The following ALOX15 variants were observed in gnomAD, a reference collection of about 807,000 sequenced individuals.
The protein encoded by ALOX15 is arachidonate 15-lipoxygenase.
In ALOX15, 68 loss-of-function variants were observed where a neutral mutation model predicts 71.7. The ratio of observed to expected loss-of-function variants is 0.95; its 90% CI spans 0.78 to 1.16. The LOEUF (loss-of-function observed/expected upper bound fraction) is 1.16, where lower values mean the gene tolerates loss of function less well. Ranked by LOEUF, ALOX15 falls within the 50% of genes most tolerant of loss-of-function variation. ALOX15 has a pLI of 0.00. For missense variants in ALOX15, 798 were observed against 818.8 expected (o/e 0.97, Z 0.31); for synonymous variants, 346 against 333.3 (o/e 1.04, Z -0.42).
At chr17:4,638,003 A>G (rs1309618858) in intron 6 of ALOX15, among the ~76,000 whole-genome samples, 12 of 152,172 alleles carry the variant, frequency 7.9e-5, no homozygotes, top group Non-Finnish European at 1.8e-4. Flanking sequence ...TCTATCAACC[A>G]TTCCATCTTG....
intron 1 of ALOX15, among the ~76,000 whole-genome samples, chr17:4,640,821 G>T (rs1911296094): frequency 6.7e-6 from 1 of 150,318 alleles, no homozygotes; most frequent in East Asian, 2.1e-4. Context: ...AGAGGGAGGT[G>T]AAGAGAGGAA....
At position 4,638,612 on chromosome 17, in the gene ALOX15, C is replaced by T. The variant is rs1911198628; in HGVS notation, c.615G>A (p.Arg205=). The change falls in exon 5 of 14, where the codon CGG becomes CGA. Residue 205 remains arginine, a synonymous_variant. Transcript: ENST00000293761. ...GCTTGCTCTGACCACACCAGAAAAT[C>T]CGGTTGAAGTCATCTAGATCCTTCC... The part of the protein sequence containing the change: ...TCWKDLDDFN[R]IFWCGQSKLA... The T allele has an allele frequency of 1.2e-6, 2 of 1,614,040 alleles. No homozygotes were observed. The highest frequency in any genetic ancestry group is 1.7e-6 in the Non-Finnish European group (2 of 1,180,056).
rs1367927933 is a variant in ALOX15, at chr17:4,632,271, G to C, written c.1551C>G (p.Val517=). The C allele has an allele frequency of 6.2e-7, 1 of 1,614,158 alleles. No individual in the cohort carries two copies. Among genetic ancestry groups the C allele is most frequent in the East Asian group, 2.2e-5 (1 of 44,890 alleles). ...AAACCTGGTCCCGAGCCTGTAAAGA[G>C]ACAGGAAACCCTGCAAGGGGTGAAG... The part of the protein sequence containing the change: ...LQGAQDRGFP[V]SLQARDQVCH... Residue 517 remains valine (V), a synonymous_variant, in exon 12 of 14, where the codon GTC becomes GTG. Transcript: ENST00000293761.
intron 7 of ALOX15, 118 bp downstream of exon 7, chr17:4,636,997 C>T (rs1169274807): frequency 3.2e-6 from 4 of 1,258,208 alleles, no homozygotes; most frequent in Non-Finnish European, 4.4e-6. Flanking sequence ...TTCCTCCTTT[C>T]GCGTCTCCCA....
chr17:4,638,902 C>T lies in ALOX15; in HGVS notation c.490G>A (p.Glu164Lys), dbSNP rs760520043. The change falls in exon 4 of 14, where the codon GAG becomes AAG. Residue 164 changes from glutamate (E) to lysine (K), a missense_variant. Coordinates refer to ENST00000293761, the MANE Select transcript of ALOX15 (RefSeq NM_001140.5). The part of the protein sequence containing the change: ...GAKLYDLPVD[E>K]RFLEDKRVDF... ...ACTCTCTTGTCTTCCAGAAATCGCT[C>T]ATCCACAGGGAGGTCATATAGTTTG... 3.7e-6 allele frequency: 6 copies of T among 1,614,246 alleles called. No homozygotes were observed. Among genetic ancestry groups the T allele is most frequent in the South Asian group, 1.1e-5 (1 of 91,090 alleles).
intron 7 of ALOX15, among the ~76,000 whole-genome samples, chr17:4,636,236 T>C (rs1006828184): frequency 2.6e-5 from 4 of 152,136 alleles, no homozygotes; most frequent in Non-Finnish European, 5.9e-5. Context: ...CCCTTTCAGT[T>C]CCCACAGTGT....
Position 4,631,533 on chromosome 17 carries a change from A to T in ALOX15, c.*67T>A, listed in dbSNP as rs1174535174. On this transcript the variant is annotated 3_prime_UTR_variant, in exon 14 of 14. Transcript: ENST00000293761. ...GGGTGGGACTTGGGAGGGCAGGGCT[A>T]TAACCACGAAGGGGTCAGCTTGTGG... The T allele has an allele frequency of 3.2e-6, 5 of 1,578,594 alleles. No homozygotes were observed. The East Asian group carries it at 1.1e-4, about 35-fold the overall frequency.
Position 4,635,753 on chromosome 17 carries a change from A to T in ALOX15, c.1161+6T>A. 7.4e-6 allele frequency: 12 copies of T among 1,614,056 alleles called. No homozygotes were observed. Among genetic ancestry groups the T allele is most frequent in the Non-Finnish European group, 1.0e-5 (12 of 1,179,954 alleles). ...GCAGGCAAGAGAGAAGGGGATAAGGAGTTACCTTGAAGATAGGATGTATCG... is the reference window on the plus strand; with the variant it reads ...GCAGGCAAGAGAGAAGGGGATAAGGTGTTACCTTGAAGATAGGATGTATCG... On this transcript the variant is annotated splice_donor_region_variant and intron_variant, in intron 8 of 13. Coordinates refer to ENST00000293761, the MANE Select transcript of ALOX15 (RefSeq NM_001140.5).
chr17:4,637,750 C>T (rs1279402456), intron 6 of ALOX15, among the ~76,000 whole-genome samples: 1 of 152,086 alleles, frequency 6.6e-6, no homozygotes, highest in African/African-American at 2.4e-5. Flanking sequence ...CTCAATTTTA[C>T]AGAAGAGGAA....
At chr17:4,637,327 AG>A in intron 6 of ALOX15, 69 bp from the exon 7 acceptor site, 1 of 1,521,742 alleles carries the variant, frequency 6.6e-7, no homozygotes, top group South Asian at 1.3e-5. Context: ...GATTCCTCCA[AG>A]GGGGAAGAGA....
In ALOX15 at chr17:4,641,423, G is replaced by A; in HGVS notation, c.135+94C>T. ...GCGCGGGCCCTTGGCAAAGAGAATC[G>A]GCCAGAGGCCAACGGGGGCGCATGT... On this transcript the variant is annotated intron_variant, in intron 1 of 13. Coordinates refer to ENST00000293761, the MANE Select transcript of ALOX15 (RefSeq NM_001140.5). 7 of 1,517,606 alleles carry A rather than the reference G, an allele frequency of 4.6e-6. 1 individual carries two copies. The highest frequency in any genetic ancestry group is 2.0e-4 in the Middle Eastern group (1 of 5,128). 94.0% of individuals were successfully genotyped at this position (1,517,606 alleles called of 1,614,324 possible).
chr17:4,639,009 A>C, intron 3 of ALOX15, 37 bp from the exon 4 acceptor site: 1 of 1,614,160 alleles, frequency 6.2e-7, no homozygotes, highest in Non-Finnish European at 8.5e-7. Context: ...TGGGTGCTGG[A>C]AGCATCAGCA....
intron 1 of ALOX15, among the ~76,000 whole-genome samples, chr17:4,640,637 TC>T (rs200378055): frequency 0.47 from 56,009 of 119,002 alleles, 11,435 homozygotes; most frequent in East Asian, 0.52. Flanking sequence ...GCATTTTCTC[TC>T]TTCCTGGCTC....
rs1362509660 is a variant in ALOX15, at chr17:4,638,473, G to A, written c.647-96C>T. ...CTCCTTGACTCCAGCCCACCAGAGG[G>A]ACCCAAGTCTCTGGTCTCCCCACCC... On this transcript the variant is annotated intron_variant, in intron 5 of 13. Coordinates refer to ENST00000293761, the MANE Select transcript of ALOX15 (RefSeq NM_001140.5). The A allele has an allele frequency of 3.0e-6, 3 of 1,006,968 alleles. No homozygotes were observed. In the African/African-American group the frequency reaches 4.6e-5, roughly 15 times the overall value. 62.4% of individuals were successfully genotyped at this position (1,006,968 alleles called of 1,614,324 possible). A position where few individuals can be genotyped will look rare whatever the true frequency, so the allele number is the denominator to read the frequency against.
At chr17:4,638,460 A>G (rs1406227011) in intron 5 of ALOX15, 83 bp from the exon 6 acceptor site, 1 of 833,042 alleles carries the variant, frequency 1.2e-6, no homozygotes, top group Non-Finnish European at 1.9e-6. Flanking sequence ...CCTTGACTCC[A>G]GCCCACCAGA....
At position 4,638,854 on chromosome 17, in the gene ALOX15, T is replaced by C; in HGVS notation, c.538A>G (p.Lys180Glu). ...KRVDFEVSLAKGLADLAIKDS... is the reference protein window; with the variant it reads ...KRVDFEVSLAEGLADLAIKDS... ...CCAGCCTCCCCTTGCTCTCACCCCTTGGCCAGCGAAACCTCAAAGTCAACT... is the reference window on the plus strand; with the variant it reads ...CCAGCCTCCCCTTGCTCTCACCCCTCGGCCAGCGAAACCTCAAAGTCAACT... Residue 180 changes from lysine to glutamate, a missense_variant, in exon 4 of 14, where the codon AAG (lysine) becomes GAG (glutamate). Lys to Glu is a moderately conservative substitution (Grantham distance 56). Coordinates refer to ENST00000293761, the MANE Select transcript of ALOX15 (RefSeq NM_001140.5). 6.2e-7 allele frequency: 1 copy of C among 1,614,208 alleles called. No individual in the cohort carries two copies. The highest frequency in any genetic ancestry group is 1.7e-4 in the Middle Eastern group (1 of 6,056).
intron 8 of ALOX15, among the ~76,000 whole-genome samples, chr17:4,634,751 G>A (rs1031356764): frequency 2.7e-5 from 4 of 150,094 alleles, no homozygotes; most frequent in South Asian, 2.1e-4. Flanking sequence ...GGCCGAGGTG[G>A]GCGGATCACC....
chr17:4,637,265 G>A lies in ALOX15; in HGVS notation c.808-7C>T, dbSNP rs376059686. 14 of 1,606,622 alleles carry A rather than the reference G, an allele frequency of 8.7e-6. No individual in the cohort carries two copies. The African/African-American group carries it at 1.1e-4, about 12-fold the overall frequency. On this transcript the variant is annotated splice_polypyrimidine_tract_variant and splice_region_variant and intron_variant, in intron 6 of 13. Coordinates refer to ENST00000293761, the MANE Select transcript of ALOX15 (RefSeq NM_001140.5). ...CTTCGAACAGTGTGCCTCCCTGGGT[G>A]GGGGAAGAGGTCAAGGGCTGCTATC... is the stretch of plus-strand genomic sequence containing the variant.
At chr17:4,640,854 G>T (rs1911297443) in intron 1 of ALOX15, among the ~76,000 whole-genome samples, 1 of 150,620 alleles carries the variant, frequency 6.6e-6, no homozygotes, top group Non-Finnish European at 1.5e-5. Context: ...GACACCGGGG[G>T]AGGCAGGAGG....
Sources: gnomAD v4.1 joint callset for allele counts (sites outside exome capture counted in the v4.1 genomes callset) on GRCh38, gnomAD v4.1.1 for gene constraint, MANE v1.5 for transcripts, NCBI Gene and HGNC (gene_info 2026-07-23, HGNC 2026-07-21) for gene names.